Variants in TENM1 observed in about 807,000 individuals in gnomAD.
TENM1 encodes teneurin transmembrane protein 1.
In TENM1, 35 loss-of-function variants were observed where a neutral mutation model predicts 174.8. That is an observed-to-expected ratio of 0.20 (90% CI 0.15 to 0.27). The LOEUF (loss-of-function observed/expected upper bound fraction) is 0.27, where lower values mean the gene tolerates loss of function less well. TENM1 is among the 10% of genes least tolerant of loss of function. The pLI is 1.00. For synonymous variants in TENM1, 781 were observed against 798.7 expected (o/e 0.98, Z 0.37); for missense variants, 1,633 against 2,130.1 (o/e 0.77, Z 4.59).
chrX:125,111,144 G>A, the TENM1 span, among the ~76,000 whole-genome samples: 1 of 112,148 alleles, frequency 8.9e-6, no homozygotes, highest in African/African-American at 3.2e-5. Context: ...AGTTTTTGCT[G>A]GACTGGCCTG....
At chrX:124,531,844 A>G (rs887307846) in intron 15 of TENM1, among the ~76,000 whole-genome samples, 13 of 112,466 alleles carry the variant, frequency 1.2e-4, no homozygotes, top group African/African-American at 3.9e-4. Flanking sequence ...TCTAAGTCCA[A>G]TGTAACAAGA....
At chrX:124,468,171 CTCTT>C (rs944751009) in intron 22 of TENM1, among the ~76,000 whole-genome samples, 1 of 109,689 alleles carries the variant, frequency 9.1e-6, no homozygotes, top group African/African-American at 3.3e-5. Context: ...CTTCACATAT[CTCTT>C]TCTTTTTTTT....
At chrX:124,727,038 G>A (rs1220312364) in intron 4 of TENM1, among the ~76,000 whole-genome samples, 1 of 111,948 alleles carries the variant, frequency 8.9e-6, no homozygotes, top group Non-Finnish European at 1.9e-5. Context: ...AAATAACCCT[G>A]TAGACTCCAT....
chrX:125,104,253 A>G, the TENM1 span, among the ~76,000 whole-genome samples: 5 of 111,684 alleles, frequency 4.5e-5, no homozygotes, highest in African/African-American at 1.6e-4. Flanking sequence ...TCCTCTCAAT[A>G]CTTTTGTGGA....
chrX:125,109,553 C>T, the TENM1 span, among the ~76,000 whole-genome samples: 4 of 110,821 alleles, frequency 3.6e-5, no homozygotes, highest in Admixed American at 9.6e-5. Context: ...CCCCCAAACA[C>T]GCAGGAACAG....
intron 6 of TENM1, among the ~76,000 whole-genome samples, chrX:124,663,194 T>G (rs774064912): frequency 7.0e-4 from 78 of 111,700 alleles, no homozygotes; most frequent in African/African-American, 2.3e-3. Flanking sequence ...AGTATAATTA[T>G]AATGAAAATA....
chrX:124,691,501 C>T (rs185033013), intron 5 of TENM1, among the ~76,000 whole-genome samples: 7 of 112,047 alleles, frequency 6.2e-5, no homozygotes, highest in Non-Finnish European at 1.1e-4. Flanking sequence ...TGGCAATGTC[C>T]GTGGAGACGT....
At chrX:125,037,826 T>C in the TENM1 span, among the ~76,000 whole-genome samples, 6 of 111,830 alleles carry the variant, frequency 5.4e-5, no homozygotes, top group Non-Finnish European at 9.4e-5. Context: ...GCTCTTGGAA[T>C]GCTCTCAGTA....
chrX:125,119,227 A>C, the TENM1 span, among the ~76,000 whole-genome samples: 1 of 111,949 alleles, frequency 8.9e-6, no homozygotes, highest in Non-Finnish European at 1.9e-5. Context: ...TTTAATTTAC[A>C]CAACACTTGC....
intron 19 of TENM1, among the ~76,000 whole-genome samples, chrX:124,499,918 C>T (rs929207587): frequency 2.7e-5 from 3 of 111,678 alleles, no homozygotes; most frequent in East Asian, 2.8e-4. Context: ...ACCAGATTTG[C>T]TATTAACATC....
At chrX:125,077,088 C>T in the TENM1 span, among the ~76,000 whole-genome samples, 2 of 110,704 alleles carry the variant, frequency 1.8e-5, no homozygotes, top group African/African-American at 6.5e-5. Flanking sequence ...GTAATGAAGA[C>T]GTTTCTCATT....
chrX:124,778,310 G>A (rs1269742562), intron 3 of TENM1, among the ~76,000 whole-genome samples: 1 of 112,004 alleles, frequency 8.9e-6, no homozygotes, highest in Non-Finnish European at 1.9e-5. Flanking sequence ...GATTCAATCT[G>A]TGAGGCAGAG....
chrX:124,863,650 C>T lies in TENM1; in HGVS notation c.535+30646G>A, dbSNP rs764967791. On this transcript the variant is annotated intron_variant, in intron 3 of 31. Transcript: ENST00000422452. Reference sequence around the variant, plus strand: ...AAAGGCTTTTTTTTACCTCTAGTCCCTGACTCCTGGACAACACTTCTGGAC... The same window carrying T: ...AAAGGCTTTTTTTTACCTCTAGTCCTTGACTCCTGGACAACACTTCTGGAC... Among the ~76,000 whole-genome samples the T allele has an allele frequency of 1.5e-3, 172 of 112,193 alleles. 1 individual carries two copies. Among genetic ancestry groups the T allele is most frequent in the African/African-American group, 5.1e-3 (156 of 30,871 alleles).
intron 14 of TENM1, among the ~76,000 whole-genome samples, chrX:124,558,900 T>C (rs1337153906): frequency 1.8e-5 from 2 of 111,631 alleles, no homozygotes; most frequent in African/African-American, 6.5e-5. Flanking sequence ...AATTTGCATA[T>C]AGATACATAG....
intron 5 of TENM1, among the ~76,000 whole-genome samples, chrX:124,703,049 C>T (rs1423493050): frequency 9.0e-6 from 1 of 111,231 alleles, no homozygotes; most frequent in Non-Finnish European, 1.9e-5. Flanking sequence ...TAATATTTAA[C>T]ATTTATAGGC....
intron 11 of TENM1, among the ~76,000 whole-genome samples, chrX:124,570,834 C>CT (rs926928979): frequency 5.4e-5 from 6 of 111,412 alleles, no homozygotes; most frequent in African/African-American, 2.0e-4. Flanking sequence ...ATGTTAAAAT[C>CT]TTTTTTTGTG....
chrX:124,499,956 T>C lies in TENM1; in HGVS notation c.3446-2691A>G, dbSNP rs1023293657. ...TTTTCACAGGTAGATCTCCATTTTT[T>C]TATATCAATATAATGGTATAGTTAA... On this transcript the variant is annotated intron_variant, in intron 19 of 31. Transcript: ENST00000422452. Among the ~76,000 whole-genome samples the C allele has an allele frequency of 3.6e-5, 4 of 111,701 alleles. No individual in the cohort carries two copies. The Admixed American group carries it at 3.8e-4, about 11-fold the overall frequency.
chrX:124,907,740 C>CAT (rs201514839), intron 1 of TENM1, among the ~76,000 whole-genome samples: 1 of 111,981 alleles, frequency 8.9e-6, no homozygotes, highest in East Asian at 2.8e-4. Context: ...AGTGGCATAG[C>CAT]ATATATAGTC....
exon 8 of TENM1, chrX:124,652,038 G>C: frequency 8.3e-7 from 1 of 1,211,553 alleles, no homozygotes; most frequent in Non-Finnish European, 1.1e-6. Flanking sequence ...TTAAGATCAG[G>C]TTCCGAGGGG....
Sources: gnomAD v4.1 joint callset for allele counts (sites outside exome capture counted in the v4.1 genomes callset) on GRCh38, gnomAD v4.1.1 for gene constraint, MANE v1.5 for transcripts, NCBI Gene and HGNC (gene_info 2026-07-23, HGNC 2026-07-21) for gene names.